The following PHLDB2 variants were observed in gnomAD, a reference collection of about 807,000 sequenced individuals.
PHLDB2 encodes the protein pleckstrin homology-like domain family B member 2.
A neutral mutation model predicts 123.6 loss-of-function variants in PHLDB2; 71 were observed. The observed-to-expected ratio is 0.57, with a 90% CI of 0.47 to 0.70. The LOEUF is 0.70. Among genes scored for constraint, PHLDB2 ranks in the 30% least tolerant of loss-of-function variants. PHLDB2 has a pLI of 0.00. For synonymous variants in PHLDB2, 547 were observed against 541.6 expected (o/e 1.01, Z -0.14); for missense variants, 1,446 against 1,519.5 (o/e 0.95, Z 0.80).
At chr3:111,871,289 C>G (rs990544364) in intron 1 of PHLDB2, among the ~76,000 whole-genome samples, 4 of 152,148 alleles carry the variant, frequency 2.6e-5, no homozygotes, top group African/African-American at 9.7e-5. Flanking sequence ...GACTTTAAGT[C>G]CCTCTTCTCT....
chr3:111,932,420 CCA>C, intron 6 of PHLDB2, 23 bp downstream of exon 6: 1 of 1,530,756 alleles, frequency 6.5e-7, no homozygotes, highest in African/African-American at 1.4e-5. Flanking sequence ...CAGGAATGCA[CCA>C]GTTATTTTGC....
chr3:111,758,043 G>GGGTCAGA (rs1426276237), intron 1 of PHLDB2, among the ~76,000 whole-genome samples: 1 of 152,178 alleles, frequency 6.6e-6, no homozygotes, highest in Non-Finnish European at 1.5e-5. Context: ...GGCTGCTCAG[G>GGGTCAGA]GGTCAGGGGC....
intron 1 of PHLDB2, among the ~76,000 whole-genome samples, chr3:111,740,402 G>A (rs947595756): frequency 2.6e-5 from 4 of 152,070 alleles, no homozygotes; most frequent in Non-Finnish European, 4.4e-5. Context: ...ATCACCAGGG[G>A]ATATCTGGTA....
Position 111,859,558 on chromosome 3 carries a change from G to A in PHLDB2, c.-33G>A. Reference sequence around the variant, plus strand: ...CCTGCCTTCTCTCGCCGCCGGGAACGGGCTGCACCAATGGCCAGGTGAGGA... The same window carrying A: ...CCTGCCTTCTCTCGCCGCCGGGAACAGGCTGCACCAATGGCCAGGTGAGGA... On this transcript the variant is annotated 5_prime_UTR_variant, in exon 1 of 18. Coordinates refer to ENST00000431670, the MANE Select transcript of PHLDB2 (RefSeq NM_001134438.2). 1 of 985,630 alleles carries A rather than the reference G, an allele frequency of 1.0e-6. No individual in the cohort carries two copies. The highest frequency in any genetic ancestry group is 1.2e-6 in the Non-Finnish European group (1 of 830,060). The allele number at this position is 985,630 out of a possible 1,614,324, so 61.1% of individuals were successfully genotyped here. A position where few individuals can be genotyped will look rare whatever the true frequency, so the allele number is the denominator to read the frequency against.
intron 1 of PHLDB2, among the ~76,000 whole-genome samples, chr3:111,815,351 A>G (rs1409995917): frequency 6.6e-6 from 1 of 152,164 alleles, no homozygotes; most frequent in Non-Finnish European, 1.5e-5. Flanking sequence ...GAGGGCTCAG[A>G]ATAAGACAGG....
intron 2 of PHLDB2, among the ~76,000 whole-genome samples, chr3:111,888,577 G>A (rs1345023067): frequency 2.0e-5 from 3 of 152,068 alleles, no homozygotes; most frequent in Non-Finnish European, 2.9e-5. Flanking sequence ...TCCAATCATC[G>A]CAAAGCTCAG....
At chr3:111,845,844 C>G in exon 2 of PHLDB2, 1 of 1,614,144 alleles carries the variant, frequency 6.2e-7, no homozygotes, top group Non-Finnish European at 8.5e-7. Context: ...CCAGTTTATC[C>G]TTTGAGATTC....
intron 2 of PHLDB2, among the ~76,000 whole-genome samples, chr3:111,893,423 T>C (rs2066619886): frequency 6.6e-6 from 1 of 152,094 alleles, no homozygotes; most frequent in Non-Finnish European, 1.5e-5. Context: ...AAATTGCAGA[T>C]GGTGTGAGAG....
intron 3 of PHLDB2, chr3:111,914,354 T>G (rs1295408152): frequency 1.3e-5 from 2 of 152,124 alleles, no homozygotes; most frequent in East Asian, 3.9e-4. Context: ...TTCACTTTAC[T>G]CAATATTTCC....
At chr3:111,930,658 T>C (rs2069090352) in intron 5 of PHLDB2, among the ~76,000 whole-genome samples, 1 of 152,222 alleles carries the variant, frequency 6.6e-6, no homozygotes, top group Non-Finnish European at 1.5e-5. Context: ...ACGGTGCTAG[T>C]ATATTCAGTT....
chr3:111,908,055 G>A lies in PHLDB2; in HGVS notation c.1336-5264G>A, dbSNP rs375258106. Among the ~76,000 whole-genome samples, 139 of 152,222 alleles carry A rather than the reference G, an allele frequency of 9.1e-4. 1 individual carries two copies. The highest frequency in any genetic ancestry group is 3.1e-3 in the African/African-American group (130 of 41,524). ...TACTGATTGATCAGTTTCCCACATGGTTAATTTCAGTCTCCAGCTTGGCTG... is the reference window on the plus strand; with the variant it reads ...TACTGATTGATCAGTTTCCCACATGATTAATTTCAGTCTCCAGCTTGGCTG... On this transcript the variant is annotated intron_variant, in intron 2 of 17. Transcript: ENST00000431670.
intron 1 of PHLDB2, among the ~76,000 whole-genome samples, chr3:111,770,821 G>A (rs1392391085): frequency 6.6e-6 from 1 of 152,162 alleles, no homozygotes; most frequent in African/African-American, 2.4e-5. Context: ...TGAGCAAAGG[G>A]AGACAAGAAT....
At chr3:111,843,822 C>T (rs2063806924) in intron 1 of PHLDB2, among the ~76,000 whole-genome samples, 1 of 152,150 alleles carries the variant, frequency 6.6e-6, no homozygotes, top group Non-Finnish European at 1.5e-5. Flanking sequence ...GCTTATAGCA[C>T]AAAAGTTTTT....
intron 1 of PHLDB2, among the ~76,000 whole-genome samples, chr3:111,764,113 A>G (rs1332059263): frequency 2.0e-5 from 3 of 152,150 alleles, no homozygotes; most frequent in African/African-American, 4.8e-5. Flanking sequence ...TTGACAAGCT[A>G]TGGAACCTCT....
intron 13 of PHLDB2, among the ~76,000 whole-genome samples, chr3:111,964,569 T>C (rs1423326367): frequency 6.6e-6 from 1 of 152,038 alleles, no homozygotes; most frequent in Non-Finnish European, 1.5e-5. Context: ...CTTGAACTCC[T>C]GACCTCAGGT....
At chr3:111,940,707 GC>G in intron 8 of PHLDB2, 62 bp downstream of exon 8, 1 of 964,044 alleles carries the variant, frequency 1.0e-6, no homozygotes, top group African/African-American at 1.7e-5. Flanking sequence ...CAGGGAAATT[GC>G]CCCCTTTAAA....
At chr3:111,895,458 C>A (rs1240473654) in intron 2 of PHLDB2, among the ~76,000 whole-genome samples, 4 of 152,026 alleles carry the variant, frequency 2.6e-5, no homozygotes, top group African/African-American at 4.8e-5. Context: ...TATATGAACA[C>A]TTGTTTCTTA....
At chr3:111,807,440 G>T (rs1004802122) in intron 1 of PHLDB2, among the ~76,000 whole-genome samples, 4 of 152,136 alleles carry the variant, frequency 2.6e-5, no homozygotes, top group African/African-American at 9.7e-5. Context: ...ATCCCTGCCA[G>T]GCATAGTGGC....
chr3:111,756,933 T>C (rs2059900744), intron 1 of PHLDB2, among the ~76,000 whole-genome samples: 1 of 152,170 alleles, frequency 6.6e-6, no homozygotes, highest in Non-Finnish European at 1.5e-5. Context: ...GATATGAAAT[T>C]CTGGGTTGAA....
Sources: allele counts gnomAD v4.1 joint callset (sites outside exome capture counted in the v4.1 genomes callset), GRCh38; gene constraint gnomAD v4.1.1; transcripts MANE v1.5; gene names NCBI Gene and HGNC (gene_info 2026-07-23, HGNC 2026-07-21).